SYK: variants seen among roughly 807,000 people sequenced by gnomAD.
The protein encoded by SYK is tyrosine-protein kinase SYK.
A neutral mutation model predicts 77.8 loss-of-function variants in SYK; 16 were observed. That is an observed-to-expected ratio of 0.21 (90% confidence interval 0.14 to 0.31). The LOEUF (loss-of-function observed/expected upper bound fraction) is 0.31, where lower values mean the gene tolerates loss of function less well. Ranked by LOEUF, SYK falls within the 10% of genes least tolerant of loss-of-function variation. The probability of loss-of-function intolerance (pLI) is 1.00; values close to 1 mark genes in which losing one functional copy is unlikely to be tolerated. For missense variants in SYK, 529 were observed against 814.4 expected (o/e 0.65, Z 4.26); for synonymous variants, 312 against 308.7 (o/e 1.01, Z -0.11).
chr9:90,844,716 T>C (rs1233895413), intron 2 of SYK, among the ~76,000 whole-genome samples: 1 of 152,242 alleles, frequency 6.6e-6, no homozygotes, highest in East Asian at 1.9e-4. Context: ...TCAACACTCA[T>C]ATAGTTGCAT....
At chr9:90,875,471 G>C (rs113499549) in intron 9 of SYK, among the ~76,000 whole-genome samples, 2 of 151,922 alleles carry the variant, frequency 1.3e-5, no homozygotes, top group Non-Finnish European at 2.9e-5. Context: ...CACTACTACT[G>C]TTAACTAAAC....
intron 1 of SYK, among the ~76,000 whole-genome samples, chr9:90,812,740 T>G (rs1825126139): frequency 9.4e-6 from 1 of 106,642 alleles, no homozygotes. Context: ...CCCCATTTGA[T>G]ATGTGTGTGT....
chr9:90,844,473 T>G (rs1173609442), intron 2 of SYK, among the ~76,000 whole-genome samples, 158 bp downstream of exon 2: 1 of 152,208 alleles, frequency 6.6e-6, no homozygotes, highest in Non-Finnish European at 1.5e-5. Flanking sequence ...TGCCTCTCTC[T>G]GATAAGAGCC....
chr9:90,858,905 G>C (rs1355189930), intron 3 of SYK, among the ~76,000 whole-genome samples: 1 of 152,150 alleles, frequency 6.6e-6, no homozygotes, highest in African/African-American at 2.4e-5. Context: ...AGGGCTGCTT[G>C]GTGGAGCACA....
intron 3 of SYK, among the ~76,000 whole-genome samples, chr9:90,857,867 A>G (rs1286212120): frequency 6.6e-6 from 1 of 152,026 alleles, no homozygotes; most frequent in African/African-American, 2.4e-5. Flanking sequence ...TCTAATGCAC[A>G]CAGCCAATCC....
At chr9:90,803,330 A>G (rs1339385718) in intron 1 of SYK, among the ~76,000 whole-genome samples, 1 of 152,138 alleles carries the variant, frequency 6.6e-6, no homozygotes, top group African/African-American at 2.4e-5. Flanking sequence ...TGGATTTGAA[A>G]AGGTTGGATT....
chr9:90,863,535 T>C (rs967313117), intron 4 of SYK, among the ~76,000 whole-genome samples: 2 of 152,260 alleles, frequency 1.3e-5, no homozygotes, highest in African/African-American at 2.4e-5. Context: ...TTTTGAATGC[T>C]GGATATGATC....
intron 1 of SYK, among the ~76,000 whole-genome samples, chr9:90,805,222 T>C (rs1480683807): frequency 1.3e-5 from 2 of 152,230 alleles, no homozygotes; most frequent in Non-Finnish European, 2.9e-5. Flanking sequence ...TGTTGATGAT[T>C]ACTGGATTAC....
At chr9:90,852,366 A>G (rs1473732946) in intron 3 of SYK, among the ~76,000 whole-genome samples, 2 of 152,178 alleles carry the variant, frequency 1.3e-5, no homozygotes, top group Non-Finnish European at 2.9e-5. Context: ...CACTTGGTTC[A>G]CACAATGTGG....
chr9:90,845,726 A>G, intron 3 of SYK, 132 bp downstream of exon 3: 1 of 1,034,128 alleles, frequency 9.7e-7, no homozygotes. Flanking sequence ...GACAACATGC[A>G]TGCTGGCCTG....
chr9:90,835,326 G>A (rs1826032429), intron 1 of SYK, among the ~76,000 whole-genome samples: 1 of 152,236 alleles, frequency 6.6e-6, no homozygotes, highest in Non-Finnish European at 1.5e-5. Flanking sequence ...GATGGATGGG[G>A]CCACCCATAG....
At position 90,874,781 on chromosome 9, in the gene SYK, G is replaced by T. The variant is rs151053124; in HGVS notation, c.1113G>T (p.Thr371=). The change falls in exon 9 of 14, where the codon ACG becomes ACT. Residue 371 remains threonine (T), a synonymous_variant. Transcript: ENST00000375754. ...KEVYLDRKLL[T]LEDKELGSGN... is the part of the protein sequence containing the mutation. ...TTTACCTGGACCGAAAGCTGCTGAC[G>T]CTGGAAGACAAAGAACTGGGCTCTG... The T allele has an allele frequency of 3.7e-6, 6 of 1,613,974 alleles. No homozygotes were observed. The African/African-American group carries it at 4.0e-5, about 11-fold the overall frequency.
chr9:90,853,260 A>G (rs537740395), intron 3 of SYK, among the ~76,000 whole-genome samples: 147 of 148,380 alleles, frequency 9.9e-4, no homozygotes, highest in African/African-American at 3.6e-3. Flanking sequence ...AACTATAGGA[A>G]CTGGGAAGTG....
At chr9:90,812,417 C>A (rs1238518286) in intron 1 of SYK, among the ~76,000 whole-genome samples, 9 of 152,162 alleles carry the variant, frequency 5.9e-5, no homozygotes, top group Non-Finnish European at 1.3e-4. Flanking sequence ...CAGCCATGGT[C>A]TCAAACATGC....
At chr9:90,864,230 C>T (rs769539369) in intron 4 of SYK, among the ~76,000 whole-genome samples, 13 of 152,308 alleles carry the variant, frequency 8.5e-5, no homozygotes, top group South Asian at 4.1e-4. Context: ...AACTCTGGCT[C>T]TCAGCCTGTT....
intron 7 of SYK, among the ~76,000 whole-genome samples, chr9:90,872,770 A>G (rs1827779672): frequency 6.6e-6 from 1 of 152,224 alleles, no homozygotes; most frequent in Admixed American, 6.5e-5. Flanking sequence ...TCATTCACCC[A>G]TCCATTCATT....
intron 3 of SYK, among the ~76,000 whole-genome samples, chr9:90,859,892 T>A (rs1827186663): frequency 6.6e-6 from 1 of 152,228 alleles, no homozygotes; most frequent in Non-Finnish European, 1.5e-5. Flanking sequence ...CTGTCTCAGT[T>A]TTTAACAAGA....
chr9:90,887,437 G>A lies in SYK; in HGVS notation c.1582-312G>A, dbSNP rs190426064. ...TTTTTTTTTTGAGATGGAGTCTCTC[G>A]TTGTGTCACCCAGGCTGCAGTGCAG... is the stretch of plus-strand genomic sequence containing the variant. On this transcript the variant is annotated intron_variant, in intron 11 of 13. Coordinates refer to ENST00000375754, the MANE Select transcript of SYK (RefSeq NM_003177.7). Among the ~76,000 whole-genome samples, 509 of 128,568 alleles carry A rather than the reference G, an allele frequency of 4.0e-3. 4 individuals are homozygous for A. Among genetic ancestry groups the A allele is most frequent in the African/African-American group, 0.015 (484 of 33,008 alleles). The allele number at this position is 128,568 out of a possible 152,430, so 84.3% of individuals were successfully genotyped here.
At chr9:90,867,507 C>G (rs965892) in intron 7 of SYK, among the ~76,000 whole-genome samples, 128,597 of 152,248 alleles carry the variant, frequency 0.84, 54,716 homozygotes, top group East Asian at 0.95. Flanking sequence ...TTATCATGTC[C>G]GAAAATCTTT....
Sources: allele counts gnomAD v4.1 joint callset (sites outside exome capture counted in the v4.1 genomes callset), GRCh38; gene constraint gnomAD v4.1.1; transcripts MANE v1.5; gene names NCBI Gene and HGNC (gene_info 2026-07-23, HGNC 2026-07-21).